Variants in SHISA9 observed in about 807,000 individuals in gnomAD.
SHISA9 encodes protein shisa-9.
Under a neutral mutation model 38.0 loss-of-function variants are expected in SHISA9, and 13 were observed. The ratio of observed to expected loss-of-function variants is 0.34; its 90% CI spans 0.22 to 0.54. The LOEUF (loss-of-function observed/expected upper bound fraction) is 0.54, where lower values mean the gene tolerates loss of function less well. Ranked by LOEUF, SHISA9 falls within the 20% of genes least tolerant of loss-of-function variation. The probability of loss-of-function intolerance (pLI) is 0.91; values close to 1 mark genes in which losing one functional copy is unlikely to be tolerated. For synonymous variants in SHISA9, 275 were observed against 242.0 expected, an observed-to-expected ratio of 1.14 and a Z score of -1.27; for missense variants, 538 against 575.8, an observed-to-expected ratio of 0.93 and a Z score of 0.67.
chr16:13,030,095 A>G (rs1446155837), intron 2 of SHISA9, among the ~76,000 whole-genome samples: 1 of 152,198 alleles, frequency 6.6e-6, no homozygotes, highest in Non-Finnish European at 1.5e-5. Flanking sequence ...GTTTATAATT[A>G]CTGTTTTTAG....
chr16:12,939,694 T>C (rs112730101), intron 2 of SHISA9, among the ~76,000 whole-genome samples: 382 of 152,326 alleles, frequency 2.5e-3, no homozygotes, highest in African/African-American at 8.9e-3. Context: ...AACCTTCCTC[T>C]TTCCCCATCA....
chr16:13,052,240 G>A (rs1815342458), intron 2 of SHISA9, among the ~76,000 whole-genome samples: 1 of 152,094 alleles, frequency 6.6e-6, no homozygotes, highest in African/African-American at 2.4e-5. Context: ...GTCTCTGAAG[G>A]GCTTTCTGCT....
intron 2 of SHISA9, among the ~76,000 whole-genome samples, chr16:12,984,772 G>C (rs2072284920): frequency 6.6e-6 from 1 of 152,140 alleles, no homozygotes; most frequent in African/African-American, 2.4e-5. Flanking sequence ...GCATGCTTCT[G>C]TGGGCCTTGC....
chr16:13,559,520 G>C, the SHISA9 span, among the ~76,000 whole-genome samples: 2 of 151,892 alleles, frequency 1.3e-5, no homozygotes, highest in African/African-American at 4.8e-5. Flanking sequence ...TAGGATTATA[G>C]CCATGTGACA....
At chr16:13,315,460 C>G in the SHISA9 span, among the ~76,000 whole-genome samples, 1 of 152,162 alleles carries the variant, frequency 6.6e-6, no homozygotes, top group Non-Finnish European at 1.5e-5. Flanking sequence ...TTCATTACCT[C>G]GTTTAATCTT....
chr16:13,277,868 C>G, the SHISA9 span, among the ~76,000 whole-genome samples: 1 of 151,946 alleles, frequency 6.6e-6, no homozygotes, highest in African/African-American at 2.4e-5. Flanking sequence ...CAAACAGTGA[C>G]GATTTAACGT....
chr16:13,165,992 G>T (rs571934216), intron 2 of SHISA9, among the ~76,000 whole-genome samples: 2 of 152,124 alleles, frequency 1.3e-5, no homozygotes, highest in South Asian at 2.1e-4. Flanking sequence ...CCTGTAATTC[G>T]CCAGCTACTG....
intron 2 of SHISA9, among the ~76,000 whole-genome samples, chr16:13,115,476 GC>G (rs2074022819): frequency 6.6e-6 from 1 of 152,256 alleles, no homozygotes; most frequent in Non-Finnish European, 1.5e-5. Flanking sequence ...GATCACTAAT[GC>G]TTTTGTTTGT....
At chr16:13,463,106 T>C in the SHISA9 span, among the ~76,000 whole-genome samples, 1 of 152,092 alleles carries the variant, frequency 6.6e-6, no homozygotes, top group African/African-American at 2.4e-5. Context: ...CAGTGAGCTG[T>C]GATAGTGCCA....
chr16:13,510,974 G>C, the SHISA9 span, among the ~76,000 whole-genome samples: 1 of 152,104 alleles, frequency 6.6e-6, no homozygotes, highest in South Asian at 2.1e-4. Context: ...TTCCTGCTTA[G>C]GCCGATTACC....
intron 2 of SHISA9, among the ~76,000 whole-genome samples, chr16:13,153,427 A>G (rs1442602456): frequency 6.6e-6 from 1 of 152,198 alleles, no homozygotes; most frequent in Non-Finnish European, 1.5e-5. Flanking sequence ...AGCTCAGAGG[A>G]GGTGCTTGAG....
chr16:13,309,138 G>A, the SHISA9 span, among the ~76,000 whole-genome samples: 6 of 152,026 alleles, frequency 3.9e-5, no homozygotes, highest in Non-Finnish European at 8.8e-5. Context: ...TTGCACCTGC[G>A]GTTTTTTCAA....
chr16:13,221,824 C>G lies in SHISA9; in HGVS notation c.895+8524C>G, dbSNP rs559270210. 6.6e-5 allele frequency among the ~76,000 whole-genome samples: 10 copies of G among 152,304 alleles called. No homozygotes were observed. In the South Asian group the frequency reaches 1.4e-3, roughly 22 times the overall value. ...TTAGCAGTCCTCTCCCAGCTAACCC[C>G]TGGTTCAAGCAATGACTTGCCTATT... On this transcript the variant is annotated intron_variant, in intron 4 of 4. Coordinates refer to ENST00000558583, the MANE Select transcript of SHISA9 (RefSeq NM_001145204.3).
intron 2 of SHISA9, among the ~76,000 whole-genome samples, chr16:13,195,232 T>C (rs1158983705): frequency 6.6e-6 from 1 of 152,152 alleles, no homozygotes; most frequent in Non-Finnish European, 1.5e-5. Flanking sequence ...CTATACAAGA[T>C]GAGCCTGGGG....
At chr16:13,540,059 A>G in the SHISA9 span, among the ~76,000 whole-genome samples, 2 of 152,202 alleles carry the variant, frequency 1.3e-5, no homozygotes, top group Non-Finnish European at 2.9e-5. Flanking sequence ...TGTGATGAAC[A>G]TACACTTGCA....
chr16:13,262,992 T>C, the SHISA9 span, among the ~76,000 whole-genome samples: 1 of 152,170 alleles, frequency 6.6e-6, no homozygotes, highest in African/African-American at 2.4e-5. Flanking sequence ...TTATTCCCCA[T>C]CTCAATCTAG....
At chr16:13,356,855 G>T in the SHISA9 span, among the ~76,000 whole-genome samples, 10 of 152,272 alleles carry the variant, frequency 6.6e-5, no homozygotes, top group African/African-American at 2.2e-4. Context: ...GATTTTGCAG[G>T]ATGGAAAAAT....
At chr16:13,081,966 G>C (rs985626962) in intron 2 of SHISA9, among the ~76,000 whole-genome samples, 1 of 152,170 alleles carries the variant, frequency 6.6e-6, no homozygotes, top group East Asian at 1.9e-4. Flanking sequence ...TCTAGATTCA[G>C]AATTGGGAAT....
In SHISA9 at chr16:13,046,416, CCTGCCCTGGGGAAAGCCAGGGAGGA is replaced by C. The variant is rs554644744; in HGVS notation, c.691+129602_691+129626del. Among the ~76,000 whole-genome samples the C allele has an allele frequency of 9.3e-3, 1,418 of 152,256 alleles. 10 individuals carry two copies. The highest frequency in any genetic ancestry group is 0.015 in the Non-Finnish European group (1,042 of 68,022). On this transcript the variant is annotated intron_variant, in intron 2 of 4. Coordinates refer to ENST00000558583, the MANE Select transcript of SHISA9 (RefSeq NM_001145204.3). ...TGTGAAACACAAAGGCCTTCTTGGG[CCTGCCCTGGGGAAAGCCAGGGAGGA>C]TTCTTATTATGGCTTTGTAGCATTA... is the stretch of plus-strand genomic sequence containing the variant.
Sources: allele counts gnomAD v4.1 joint callset (sites outside exome capture counted in the v4.1 genomes callset), GRCh38; gene constraint gnomAD v4.1.1; transcripts MANE v1.5; gene names NCBI Gene and HGNC (gene_info 2026-07-23, HGNC 2026-07-21).